The following VEPH1 variants were observed in gnomAD, a reference collection of about 807,000 sequenced individuals.
VEPH1 encodes the protein ventricular zone-expressed PH domain-containing protein homolog 1.
Under a neutral mutation model 85.2 loss-of-function variants are expected in VEPH1, and 80 were observed. The observed-to-expected ratio is 0.94, with a 90% CI of 0.78 to 1.13. The LOEUF (loss-of-function observed/expected upper bound fraction) is 1.13, where lower values mean the gene tolerates loss of function less well. VEPH1 is among the 50% of genes most tolerant of loss of function. VEPH1 has a pLI of 0.00. For missense variants in VEPH1, 955 were observed against 980.5 expected (o/e 0.97, Z 0.35); for synonymous variants, 297 against 348.0 (o/e 0.85, Z 1.63).
At chr3:157,335,705 A>G (rs932963527) in intron 9 of VEPH1, among the ~76,000 whole-genome samples, 5 of 152,196 alleles carry the variant, frequency 3.3e-5, no homozygotes, top group Admixed American at 1.3e-4. Context: ...CAAAAAAGAA[A>G]TCAGTCAACT....
At chr3:157,378,306 G>GTGTATATA (rs1728363199) in intron 7 of VEPH1, among the ~76,000 whole-genome samples, 1 of 94,636 alleles carries the variant, frequency 1.1e-5, no homozygotes, top group Non-Finnish European at 2.0e-5. Context: ...TTTTTGAATG[G>GTGTATATA]TATATATATA....
chr3:157,414,112 G>T, intron 5 of VEPH1, 22 bp from the exon 6 acceptor site: 2 of 1,535,736 alleles, frequency 1.3e-6, no homozygotes, highest in South Asian at 1.2e-5. Flanking sequence ...GAGGAGAGGA[G>T]GAGGGAAGAA....
At chr3:157,325,826 G>C (rs1013963764) in intron 9 of VEPH1, among the ~76,000 whole-genome samples, 13 of 152,118 alleles carry the variant, frequency 8.5e-5, no homozygotes, top group African/African-American at 3.1e-4. Flanking sequence ...CTCTTCTTTG[G>C]TTCCAGGTGA....
intron 5 of VEPH1, among the ~76,000 whole-genome samples, chr3:157,426,761 T>C (rs1207180384): frequency 6.6e-6 from 1 of 152,040 alleles, no homozygotes; most frequent in African/African-American, 2.4e-5. Flanking sequence ...CATTAAACTT[T>C]CTTTAACAAC....
At chr3:157,479,531 A>T (rs188533894) in intron 2 of VEPH1, among the ~76,000 whole-genome samples, 1 of 152,320 alleles carries the variant, frequency 6.6e-6, no homozygotes, top group Admixed American at 6.5e-5. Context: ...TACCTCAGAT[A>T]AAGCAGTTGG....
rs149400003 is a variant in VEPH1 at position 157,424,492 on chromosome 3, A to T, written c.696+3830T>A. 3.9e-5 allele frequency among the ~76,000 whole-genome samples: 6 copies of T among 152,326 alleles called. No individual in the cohort carries two copies. The East Asian group carries it at 1.2e-3, about 29-fold the overall frequency. On this transcript the variant is annotated intron_variant, in intron 5 of 13. Coordinates refer to ENST00000362010, the MANE Select transcript of VEPH1 (RefSeq NM_001167912.2). Reference sequence around the variant, plus strand: ...TTTGGAGGGCTCAGAAGAAAACAGGAAAATGTGGGAAAATTTGGAACTTCC... The same window carrying T: ...TTTGGAGGGCTCAGAAGAAAACAGGTAAATGTGGGAAAATTTGGAACTTCC...
At chr3:157,369,382 A>G (rs999371791) in intron 7 of VEPH1, among the ~76,000 whole-genome samples, 12 of 152,146 alleles carry the variant, frequency 7.9e-5, no homozygotes, top group East Asian at 3.9e-4. Flanking sequence ...AGAAGCAACA[A>G]TAAAATGTCT....
At chr3:157,293,050 CAA>C (rs1160297267) in intron 11 of VEPH1, among the ~76,000 whole-genome samples, 1 of 151,434 alleles carries the variant, frequency 6.6e-6, no homozygotes, top group East Asian at 1.9e-4. Flanking sequence ...AGACTGGTCA[CAA>C]GAGCAAAGCT....
chr3:157,339,246 G>A (rs1723271671), intron 9 of VEPH1, among the ~76,000 whole-genome samples: 2 of 152,120 alleles, frequency 1.3e-5, no homozygotes, highest in Admixed American at 6.5e-5. Context: ...AGACCCCCAC[G>A]GCCTGAGAAT....
chr3:157,277,514 A>C (rs769747467), intron 12 of VEPH1, among the ~76,000 whole-genome samples: 1 of 152,168 alleles, frequency 6.6e-6, no homozygotes, highest in Non-Finnish European at 1.5e-5. Context: ...GGAACATATT[A>C]AGGTGTTACC....
At chr3:157,265,495 T>C (rs758159856) in intron 13 of VEPH1, 31 bp downstream of exon 13, 2 of 1,601,676 alleles carry the variant, frequency 1.2e-6, no homozygotes. Context: ...ACCTTAAAAA[T>C]GCAAGTGTAA....
In VEPH1 at chr3:157,434,371, G is replaced by A. The variant is rs146014311; in HGVS notation, c.530-5883C>T. Among the ~76,000 whole-genome samples, 1,105 of 152,114 alleles carry A rather than the reference G, an allele frequency of 7.3e-3. 14 individuals carry two copies. The highest frequency in any genetic ancestry group is 0.025 in the African/African-American group (1,038 of 41,482). The stretch of plus-strand genomic sequence containing the variant: ...CTGTCGCCCAGGCTGGAACGCAGTG[G>A]TGTGATCACAGCTCACTGCAGCCTC... On this transcript the variant is annotated intron_variant, in intron 4 of 13. Coordinates refer to ENST00000362010, the MANE Select transcript of VEPH1 (RefSeq NM_001167912.2).
At chr3:157,390,005 A>G (rs1297671971) in intron 6 of VEPH1, among the ~76,000 whole-genome samples, 1 of 152,170 alleles carries the variant, frequency 6.6e-6, no homozygotes, top group Non-Finnish European at 1.5e-5. Flanking sequence ...CCATGTGAGC[A>G]TTGTTTTCCA....
chr3:157,496,806 CT>C (rs1438648768), intron 1 of VEPH1, among the ~76,000 whole-genome samples: 1 of 152,136 alleles, frequency 6.6e-6, no homozygotes, highest in East Asian at 1.9e-4. Context: ...AATAAGCTAT[CT>C]GTAGTATTGT....
chr3:157,460,026 C>A (rs758219881), intron 4 of VEPH1, 155 bp downstream of exon 4: 3 of 1,563,052 alleles, frequency 1.9e-6, no homozygotes, highest in Middle Eastern at 1.7e-4. Context: ...ATTAAGTAAC[C>A]TTTTGCATGT....
rs544313655 is a variant in VEPH1 at position 157,480,895 on chromosome 3, T to C, written c.139-10366A>G. The stretch of plus-strand genomic sequence containing the variant: ...CTGGTTTCCACAGTGGCTGAACTAA[T>C]TTACATTCCCACCAACTGGGTATAA... On this transcript the variant is annotated intron_variant, in intron 2 of 13. Coordinates refer to ENST00000362010, the MANE Select transcript of VEPH1 (RefSeq NM_001167912.2). Among the ~76,000 whole-genome samples the C allele has an allele frequency of 5.9e-5, 9 of 152,318 alleles. No homozygotes were observed. The East Asian group carries it at 1.7e-3, about 29-fold the overall frequency.
intron 2 of VEPH1, among the ~76,000 whole-genome samples, chr3:157,479,261 A>G (rs1737784534): frequency 6.6e-6 from 1 of 152,202 alleles, no homozygotes; most frequent in Non-Finnish European, 1.5e-5. Context: ...CAAACCCATC[A>G]AGCCAGACTT....
At chr3:157,491,000 A>G (rs1739168846) in intron 2 of VEPH1, among the ~76,000 whole-genome samples, 1 of 152,212 alleles carries the variant, frequency 6.6e-6, no homozygotes, top group South Asian at 2.1e-4. Context: ...ACGTAATTTG[A>G]GCCCTATGAC....
chr3:157,355,252 T>C (rs1284006011), intron 9 of VEPH1, among the ~76,000 whole-genome samples: 2 of 152,228 alleles, frequency 1.3e-5, no homozygotes, highest in Non-Finnish European at 2.9e-5. Context: ...GCAGAGTCCA[T>C]GTCTATTCTG....
Sources: allele counts gnomAD v4.1 joint callset (sites outside exome capture counted in the v4.1 genomes callset), GRCh38; gene constraint gnomAD v4.1.1; transcripts MANE v1.5; gene names NCBI Gene and HGNC (gene_info 2026-07-23, HGNC 2026-07-21).